PLCG1: variants seen among roughly 807,000 people sequenced by gnomAD.
PLCG1 encodes phospholipase C gamma 1, also known as 1-phosphatidylinositol 4,5-bisphosphate phosphodiesterase gamma-1.
Under a neutral mutation model 177.8 loss-of-function variants are expected in PLCG1, and 71 were observed. That is an observed-to-expected ratio of 0.40 (90% CI 0.33 to 0.49). The LOEUF (loss-of-function observed/expected upper bound fraction) is 0.49. Among genes scored for constraint, PLCG1 ranks in the 20% least tolerant of loss-of-function variants. The pLI, the probability that PLCG1 is intolerant of heterozygous loss-of-function variation, is 0.72. For synonymous variants in PLCG1, 658 were observed against 647.9 expected, an observed-to-expected ratio of 1.02 and a Z score of -0.24; for missense variants, 1,281 against 1,709.0, an observed-to-expected ratio of 0.75 and a Z score of 4.42.
rs575666863 is a variant in PLCG1 at position 41,177,405 on chromosome 20, G to T, written c.*2896G>T. The T allele has an allele frequency of 1.9e-3, 287 of 152,342 alleles. 3 individuals are homozygous for T. The highest frequency in any genetic ancestry group is 3.2e-3 in the Non-Finnish European group (217 of 68,052). 9.4% of individuals were successfully genotyped at this position (152,342 alleles called of 1,614,324 possible). ...TGTGGCCATGAGCAGAAAAGGCAGGGGTCTGCCTCCTGACCAAGCACATCT... is the reference window on the plus strand; with the variant it reads ...TGTGGCCATGAGCAGAAAAGGCAGGTGTCTGCCTCCTGACCAAGCACATCT... On this transcript the variant is annotated 3_prime_UTR_variant, in exon 32 of 32. Coordinates refer to ENST00000685551, the MANE Select transcript of PLCG1 (RefSeq NM_002660.3).
chr20:41,168,730 G>T, intron 20 of PLCG1, 37 bp from the exon 21 acceptor site: 4 of 1,334,428 alleles, frequency 3.0e-6, no homozygotes, highest in Non-Finnish European at 4.3e-6. Context: ...GGCAGGGAGA[G>T]CCTTTCTGCT....
chr20:41,172,959 T>A lies in PLCG1; in HGVS notation c.3279+82T>A. The A allele has an allele frequency of 6.8e-7, 1 of 1,472,664 alleles. No homozygotes were observed. The highest frequency in any genetic ancestry group is 9.2e-7 in the Non-Finnish European group (1 of 1,085,428). The allele number at this position is 1,472,664 out of a possible 1,614,324, so 91.2% of individuals were successfully genotyped here. ...CTGTTTATGTTGAGTTCTCCAAAAG[T>A]AGGTATTTTCAGGCATCAAGGTGGT... On this transcript the variant is annotated intron_variant, in intron 27 of 31. Coordinates refer to ENST00000685551, the MANE Select transcript of PLCG1 (RefSeq NM_002660.3). This position sits in a 1 kb window ranked among gnomAD's most constrained non-coding sequence, Gnocchi z 7.0.
Position 41,154,686 on chromosome 20 carries a change from G to C in PLCG1, c.218-4920G>C, listed in dbSNP as rs536437527. On this transcript the variant is annotated intron_variant, in intron 1 of 31. Transcript: ENST00000685551. ...TACCTTCAGAAGAGCCAGGCACACA[G>C]ATGGGTCCTTTGTGGTTATTGTCTT... 3.3e-5 allele frequency among the ~76,000 whole-genome samples: 5 copies of C among 152,332 alleles called. No homozygotes were observed. The East Asian group carries it at 9.6e-4, about 29-fold the overall frequency.
intron 1 of PLCG1, among the ~76,000 whole-genome samples, chr20:41,142,291 T>C (rs1008397008): frequency 3.3e-5 from 5 of 152,140 alleles, no homozygotes; most frequent in African/African-American, 4.8e-5. Context: ...GGAACAGATA[T>C]GGTGTGGTAG....
At position 41,144,143 on chromosome 20, in the gene PLCG1, C is replaced by T. The variant is rs993445322; in HGVS notation, c.217+6285C>T. The stretch of plus-strand genomic sequence containing the variant: ...CTGTTGTATTGTTTGAACTTCACAG[C>T]AGCTCCATGAATCCATGGAGGGCAG... On this transcript the variant is annotated intron_variant, in intron 1 of 31. Transcript: ENST00000685551. This position sits in a 1 kb window ranked among gnomAD's most constrained non-coding sequence, Gnocchi z 4.1. Among the ~76,000 whole-genome samples the T allele has an allele frequency of 1.3e-5, 2 of 152,184 alleles. No homozygotes were observed. The highest frequency in any genetic ancestry group is 2.4e-5 in the African/African-American group (1 of 41,434).
rs1315902934 is a variant in PLCG1, at chr20:41,150,707, G to A, written c.218-8899G>A. 6.6e-6 allele frequency among the ~76,000 whole-genome samples: 1 copy of A among 152,126 alleles called. No individual in the cohort carries two copies. Among genetic ancestry groups the A allele is most frequent in the East Asian group, 1.9e-4 (1 of 5,194 alleles). ...TGATACTCTGAATGCCCTGTTTGTG[G>A]AACTTAGTGGACTCCTGCACCTCTG... is the stretch of plus-strand genomic sequence containing the variant. On this transcript the variant is annotated intron_variant, in intron 1 of 31. Coordinates refer to ENST00000685551, the MANE Select transcript of PLCG1 (RefSeq NM_002660.3). This position sits in a 1 kb window ranked among gnomAD's most constrained non-coding sequence, Gnocchi z 4.0.
chr20:41,170,168 T>C lies in PLCG1; in HGVS notation c.2707T>C (p.Ser903Pro), dbSNP rs1483109400. 6.2e-7 allele frequency: 1 copy of C among 1,614,004 alleles called. No homozygotes were observed. Among genetic ancestry groups the C allele is most frequent in the Admixed American group, 1.7e-5 (1 of 60,014 alleles). The change falls in exon 24 of 32, where the codon TCG becomes CCG. Residue 903 changes from serine to proline, a missense_variant. Physicochemically the swap from Ser to Pro is moderately conservative, Grantham distance 74. This residue lies in a region of PLCG1 where 723 missense variants were observed against 1,030.0 expected (regional missense o/e 0.70). Transcript: ENST00000685551. The part of the protein sequence containing the change: ...RLFVFSISMA[S>P]VAHWSLDVAA... ...CTTCGTCTTCTCCATCAGCATGGCG[T>C]CGGTGGCCCACTGGTCCCTGGATGT...
chr20:41,140,116 C>T (rs956752603), intron 1 of PLCG1, among the ~76,000 whole-genome samples: 53 of 152,120 alleles, frequency 3.5e-4, no homozygotes, highest in African/African-American at 1.3e-3. Context: ...GCAGGTGGGT[C>T]AGCCAGAGGT....
Position 41,166,940 on chromosome 20 carries a change from C to T in PLCG1, c.2301+81C>T. ...CTTACCAGTCTCTGGATGTGTGTAACAGCAAGACCTGGTGTGTTGTAGAAG... is the reference window on the plus strand; with the variant it reads ...CTTACCAGTCTCTGGATGTGTGTAATAGCAAGACCTGGTGTGTTGTAGAAG... On this transcript the variant is annotated intron_variant, in intron 19 of 31. Coordinates refer to ENST00000685551, the MANE Select transcript of PLCG1 (RefSeq NM_002660.3). This position sits in a 1 kb window ranked among gnomAD's most constrained non-coding sequence, Gnocchi z 8.6. 1 of 1,323,430 alleles carries T rather than the reference C, an allele frequency of 7.6e-7. No individual in the cohort carries two copies. The highest frequency in any genetic ancestry group is 2.0e-4 in the Middle Eastern group (1 of 5,098). The allele number at this position is 1,323,430 out of a possible 1,614,324, so 82.0% of individuals were successfully genotyped here. A position where few individuals can be genotyped will look rare whatever the true frequency, so the allele number is the denominator to read the frequency against.
At position 41,169,121 on chromosome 20, in the gene PLCG1, A is replaced by G. The variant is rs377514372; in HGVS notation, c.2526A>G (p.Pro842=). 9.0e-5 allele frequency: 145 copies of G among 1,614,130 alleles called. 1 individual carries two copies. In the Admixed American group the frequency reaches 1.1e-3, roughly 13 times the overall value. ...DYGGKKQLWF[P]SNYVEEMVNP... is the part of the protein sequence containing the mutation. Reference sequence around the variant, plus strand: ...GAGGGAAGAAGCAGCTGTGGTTCCCATCAAACTACGTGGAAGAGATGGTCA... The same window carrying G: ...GAGGGAAGAAGCAGCTGTGGTTCCCGTCAAACTACGTGGAAGAGATGGTCA... The change falls in exon 22 of 32, where the codon CCA becomes CCG. Residue 842 remains proline (P), a synonymous_variant. Coordinates refer to ENST00000685551, the MANE Select transcript of PLCG1 (RefSeq NM_002660.3).
At chr20:41,149,327 G>A (rs536922368) in intron 1 of PLCG1, among the ~76,000 whole-genome samples, 22 of 152,284 alleles carry the variant, frequency 1.4e-4, no homozygotes, top group Admixed American at 1.0e-3. Flanking sequence ...TGCTCAGAAC[G>A]TATGGTTAAT....
intron 1 of PLCG1, among the ~76,000 whole-genome samples, chr20:41,158,441 T>G (rs772370416): frequency 1.3e-5 from 2 of 152,208 alleles, no homozygotes; most frequent in Non-Finnish European, 2.9e-5. Context: ...CTACCTTAAA[T>G]CGGTGATTTC....
In PLCG1 at chr20:41,172,708, A is replaced by G; in HGVS notation, c.3131-21A>G. The G allele has an allele frequency of 6.2e-7, 1 of 1,613,296 alleles. No individual in the cohort carries two copies. Among genetic ancestry groups the G allele is most frequent in the South Asian group, 1.1e-5 (1 of 91,054 alleles). ...CTGTGGGGCAGCTGGACTGGAATAC[A>G]CCATAATCTGCCTCTTCCAGACAAG... On this transcript the variant is annotated intron_variant, in intron 26 of 31. Transcript: ENST00000685551. The surrounding 1 kb of genome is among the most constrained non-coding windows in gnomAD (Gnocchi z 7.0).
chr20:41,141,421 G>A (rs1302999253), intron 1 of PLCG1, among the ~76,000 whole-genome samples: 8 of 152,284 alleles, frequency 5.3e-5, no homozygotes, highest in Admixed American at 2.0e-4. Flanking sequence ...CCTTGATGAG[G>A]CAGGCGGGCT....
chr20:41,173,165 T>C lies in PLCG1; in HGVS notation c.3280-255T>C, dbSNP rs1438072097. On this transcript the variant is annotated intron_variant, in intron 27 of 31. Coordinates refer to ENST00000685551, the MANE Select transcript of PLCG1 (RefSeq NM_002660.3). This position sits in a 1 kb window ranked among gnomAD's most constrained non-coding sequence, Gnocchi z 6.2. ...AAAGATTTCTGTGTTAAAATAGTAATGGATTTAACATGAAGTAGATTGCAA... is the reference window on the plus strand; with the variant it reads ...AAAGATTTCTGTGTTAAAATAGTAACGGATTTAACATGAAGTAGATTGCAA... Among the ~76,000 whole-genome samples the C allele has an allele frequency of 6.6e-6, 1 of 152,188 alleles. No homozygotes were observed. Among genetic ancestry groups the C allele is most frequent in the Non-Finnish European group, 1.5e-5 (1 of 68,030 alleles).
At position 41,153,052 on chromosome 20, in the gene PLCG1, A is replaced by C. The variant is rs76086360; in HGVS notation, c.218-6554A>C. 7.0e-3 allele frequency among the ~76,000 whole-genome samples: 1,071 copies of C among 152,332 alleles called. 13 individuals are homozygous for C. The highest frequency in any genetic ancestry group is 0.024 in the African/African-American group (1,013 of 41,566). ...CAGGCCTTGAGGGGTTCTGGGGTCC[A>C]CAGGCCACAGGTGGGGGTAGTAAAA... is the stretch of plus-strand genomic sequence containing the variant. On this transcript the variant is annotated intron_variant, in intron 1 of 31. Transcript: ENST00000685551. The surrounding 1 kb of genome is among the most constrained non-coding windows in gnomAD (Gnocchi z 5.1).
At chr20:41,154,616 G>A (rs1000524141) in intron 1 of PLCG1, among the ~76,000 whole-genome samples, 4 of 152,162 alleles carry the variant, frequency 2.6e-5, no homozygotes, top group South Asian at 2.1e-4. Context: ...CTGATGTCTC[G>A]GGGGAGTCGG....
In PLCG1 at chr20:41,167,893, C is replaced by G; in HGVS notation, c.2343C>G (p.Gly781=). 6.2e-7 allele frequency: 1 copy of G among 1,613,896 alleles called. No homozygotes were observed. Among genetic ancestry groups the G allele is most frequent in the Non-Finnish European group, 8.5e-7 (1 of 1,179,858 alleles). Residue 781 remains glycine, a synonymous_variant, in exon 20 of 32, where the codon GGC becomes GGG. Coordinates refer to ENST00000685551, the MANE Select transcript of PLCG1 (RefSeq NM_002660.3). This position sits in a 1 kb window ranked among gnomAD's most constrained non-coding sequence, Gnocchi z 4.4. ...YGALYEGRNP[G]FYVEANPMPT... is the part of the protein sequence containing the mutation. ...CCCTGTATGAGGGACGCAACCCTGG[C>G]TTCTATGTAGAGGCAAACCCTATGC...
chr20:41,138,243 C>T lies in PLCG1; in HGVS notation c.217+385C>T, dbSNP rs912785917. On this transcript the variant is annotated intron_variant, in intron 1 of 31. Transcript: ENST00000685551. ...CCCTGCACGGGAACCTGGGGCCTGA[C>T]CAGACGGTCCCCGCCCACTCTTTAT... Among the ~76,000 whole-genome samples the T allele has an allele frequency of 4.0e-4, 61 of 152,174 alleles. 1 individual carries two copies. Among genetic ancestry groups the T allele is most frequent in the Non-Finnish European group, 4.4e-5 (3 of 67,966 alleles).
Sources: gnomAD v4.1 joint callset for allele counts (sites outside exome capture counted in the v4.1 genomes callset) on GRCh38, gnomAD v4.1.1 for gene constraint, gnomAD v4.1.1 regional missense constraint, Gnocchi (gnomAD v3.1) non-coding constraint, MANE v1.5 for transcripts, NCBI Gene and HGNC (gene_info 2026-07-23, HGNC 2026-07-21) for gene names.